VCPIP1: variants seen among roughly 807,000 people sequenced by gnomAD.
The protein encoded by VCPIP1 is valosin containing protein interacting protein 1.
VCPIP1 carries 8 observed loss-of-function variants against 85.0 expected under a neutral mutation model. That is an observed-to-expected ratio of 0.09 (90% CI 0.06 to 0.17). VCPIP1 has a LOEUF of 0.17. VCPIP1 is among the 10% of genes least tolerant of loss of function. The pLI is 1.00. For missense variants in VCPIP1, 1,070 were observed against 1,486.3 expected (o/e 0.72, Z 4.61); for synonymous variants, 543 against 544.5 (o/e 1.00, Z 0.04).
intron 1 of VCPIP1, among the ~76,000 whole-genome samples, chr8:66,655,987 G>C (rs1356171727): frequency 1.3e-5 from 2 of 151,898 alleles, no homozygotes; most frequent in Non-Finnish European, 2.9e-5. Context: ...GCTATATATG[G>C]CAGTGGTACT....
chr8:66,636,029 C>T (rs772623468), intron 2 of VCPIP1, among the ~76,000 whole-genome samples: 5 of 151,098 alleles, frequency 3.3e-5, no homozygotes, highest in Admixed American at 6.6e-5. Flanking sequence ...GAGTTCAAGA[C>T]CAGCCTGGCC....
intron 1 of VCPIP1, among the ~76,000 whole-genome samples, chr8:66,660,827 T>A (rs1811148355): frequency 6.6e-6 from 1 of 151,958 alleles, no homozygotes. Context: ...GCGGATCCCC[T>A]GAGGTCGGGA....
At chr8:66,646,572 G>A (rs1211333675) in intron 2 of VCPIP1, among the ~76,000 whole-genome samples, 1 of 151,946 alleles carries the variant, frequency 6.6e-6, no homozygotes, top group East Asian at 1.9e-4. Context: ...GAGGAAGGCA[G>A]ATCACTTGAG....
chr8:66,658,162 C>T (rs1014928073), intron 1 of VCPIP1, among the ~76,000 whole-genome samples: 7 of 151,758 alleles, frequency 4.6e-5, no homozygotes, highest in Non-Finnish European at 1.0e-4. Flanking sequence ...GGTGAAACCC[C>T]GTCTCTACTA....
chr8:66,638,046 TTTACA>T (rs1237969432), intron 2 of VCPIP1, among the ~76,000 whole-genome samples: 1 of 152,216 alleles, frequency 6.6e-6, no homozygotes, highest in Non-Finnish European at 1.5e-5. Context: ...TACATTATTC[TTTACA>T]TTAAAAACCC....
At chr8:66,650,313 A>C (rs1366379318) in intron 2 of VCPIP1, among the ~76,000 whole-genome samples, 2 of 152,200 alleles carry the variant, frequency 1.3e-5, no homozygotes, top group African/African-American at 2.4e-5. Flanking sequence ...TTTCTACAAC[A>C]ACCAAGTTGG....
At chr8:66,638,708 G>A (rs1470662560) in intron 2 of VCPIP1, among the ~76,000 whole-genome samples, 1 of 152,054 alleles carries the variant, frequency 6.6e-6, no homozygotes, top group East Asian at 1.9e-4. Flanking sequence ...GAACCCAGGA[G>A]GCAGAGTTTG....
In VCPIP1 at chr8:66,630,171, C is replaced by T. The variant is rs1810820609; in HGVS notation, c.*4330G>A. Reference sequence around the variant, plus strand: ...AGGTGTGCTGTAGAACACTATAATACACTATTACCAATTATTCATTACTCA... The same window carrying T: ...AGGTGTGCTGTAGAACACTATAATATACTATTACCAATTATTCATTACTCA... On this transcript the variant is annotated 3_prime_UTR_variant, in exon 3 of 3. Transcript: ENST00000310421. 1 of 152,116 alleles carries T rather than the reference C, an allele frequency of 6.6e-6. No individual in the cohort carries two copies. Among genetic ancestry groups the T allele is most frequent in the African/African-American group, 2.4e-5 (1 of 41,424 alleles). 9.4% of individuals were successfully genotyped at this position (152,116 alleles called of 1,614,324 possible). A position where few individuals can be genotyped will look rare whatever the true frequency, so the allele number is the denominator to read the frequency against.
At chr8:66,638,508 G>A (rs568246508) in intron 2 of VCPIP1, among the ~76,000 whole-genome samples, 239 of 146,380 alleles carry the variant, frequency 1.6e-3, no homozygotes, top group African/African-American at 5.8e-3. Flanking sequence ...GGCCAGGCGC[G>A]GTGGCTCACG....
In VCPIP1 at chr8:66,630,172, A is replaced by G. The variant is rs1316990791; in HGVS notation, c.*4329T>C. On this transcript the variant is annotated 3_prime_UTR_variant, in exon 3 of 3. Coordinates refer to ENST00000310421, the MANE Select transcript of VCPIP1 (RefSeq NM_025054.5). ...GGTGTGCTGTAGAACACTATAATAC[A>G]CTATTACCAATTATTCATTACTCAA... The G allele has an allele frequency of 6.6e-6, 1 of 152,182 alleles. No homozygotes were observed. Among genetic ancestry groups the G allele is most frequent in the African/African-American group, 2.4e-5 (1 of 41,444 alleles). The allele number at this position is 152,182 out of a possible 1,614,324, so 9.4% of individuals were successfully genotyped here.
intron 2 of VCPIP1, among the ~76,000 whole-genome samples, chr8:66,650,372 A>T (rs751671539): frequency 3.2e-4 from 49 of 152,192 alleles, no homozygotes; most frequent in Non-Finnish European, 5.1e-4. Flanking sequence ...AAGATTATGC[A>T]ATTAATGCCT....
chr8:66,660,496 A>C (rs1401300948), intron 1 of VCPIP1, among the ~76,000 whole-genome samples: 1 of 152,252 alleles, frequency 6.6e-6, no homozygotes, highest in African/African-American at 2.4e-5. Flanking sequence ...CCTAAACTTA[A>C]ACGAGAAAGA....
At chr8:66,645,244 C>T (rs574133393) in intron 2 of VCPIP1, among the ~76,000 whole-genome samples, 28 of 151,906 alleles carry the variant, frequency 1.8e-4, no homozygotes, top group African/African-American at 6.8e-4. Flanking sequence ...ATAGTGAAAC[C>T]CCGTCTCTAC....
chr8:66,666,329 T>A lies in VCPIP1; in HGVS notation c.630A>T (p.Pro210=). The A allele has an allele frequency of 1.2e-6, 2 of 1,614,158 alleles. No individual in the cohort carries two copies. The highest frequency in any genetic ancestry group is 1.7e-5 in the Admixed American group (1 of 60,024). Residue 210 remains proline, a synonymous_variant, in exon 1 of 3, where the codon CCA becomes CCT. Coordinates refer to ENST00000310421, the MANE Select transcript of VCPIP1 (RefSeq NM_025054.5). The surrounding 1 kb of genome is among the most constrained non-coding windows in gnomAD (Gnocchi z 6.3). ...RANKSQECLI[P]VHVDGDGHCL... is the part of the protein sequence containing the mutation. Reference sequence around the variant, plus strand: ...AGTGTCCATCCCCGTCCACATGCACTGGAATGAGACATTCCTGGCTTTTAT... The same window carrying A: ...AGTGTCCATCCCCGTCCACATGCACAGGAATGAGACATTCCTGGCTTTTAT...
intron 2 of VCPIP1, among the ~76,000 whole-genome samples, chr8:66,644,794 T>TAAAAA (rs112573575): frequency 1.4e-4 from 19 of 137,546 alleles, no homozygotes; most frequent in African/African-American, 5.0e-4. Context: ...AAGGGCAATG[T>TAAAAA]AAAAAAAAAA....
chr8:66,651,228 T>C (rs1811051040), intron 2 of VCPIP1, among the ~76,000 whole-genome samples: 2 of 148,548 alleles, frequency 1.3e-5, no homozygotes, highest in Admixed American at 1.3e-4. Flanking sequence ...ATACACATAA[T>C]TTAAGTGAGA....
intron 1 of VCPIP1, among the ~76,000 whole-genome samples, chr8:66,662,112 G>A (rs554275533): frequency 7.2e-5 from 11 of 151,924 alleles, no homozygotes; most frequent in East Asian, 3.9e-4. Flanking sequence ...GCCCATGTCC[G>A]TTTATTAGTC....
chr8:66,663,187 G>A (rs1325643211), intron 1 of VCPIP1, among the ~76,000 whole-genome samples: 1 of 151,840 alleles, frequency 6.6e-6, no homozygotes, highest in Non-Finnish European at 1.5e-5. Context: ...TACTATGTCT[G>A]GCAAACTAAA....
chr8:66,667,064 C>G lies in VCPIP1; in HGVS notation c.-106G>C, dbSNP rs1811226406. On this transcript the variant is annotated 5_prime_UTR_variant, in exon 1 of 3. Coordinates refer to ENST00000310421, the MANE Select transcript of VCPIP1 (RefSeq NM_025054.5). The stretch of plus-strand genomic sequence containing the variant: ...GGTCCAGTCCAGGCCCAGGGCGAAG[C>G]ACTTTCCTTTCCCTACCAGCTCTTC... 4.3e-6 allele frequency: 6 copies of G among 1,409,696 alleles called. No homozygotes were observed. Among genetic ancestry groups the G allele is most frequent in the Non-Finnish European group, 9.2e-7 (1 of 1,085,362 alleles). The allele number at this position is 1,409,696 out of a possible 1,614,324, so 87.3% of individuals were successfully genotyped here.
Sources: gnomAD v4.1 joint callset for allele counts (sites outside exome capture counted in the v4.1 genomes callset) on GRCh38, gnomAD v4.1.1 for gene constraint, Gnocchi (gnomAD v3.1) non-coding constraint, MANE v1.5 for transcripts, NCBI Gene and HGNC (gene_info 2026-07-23, HGNC 2026-07-21) for gene names.